The following PTP4A1 variants were observed in gnomAD, a reference collection of about 807,000 sequenced individuals.
PTP4A1 encodes protein tyrosine phosphatase 4A1, also known as protein tyrosine phosphatase type IVA 1.
Under a neutral mutation model 20.5 loss-of-function variants are expected in PTP4A1, and 9 were observed. The observed-to-expected ratio is 0.44, with a 90% CI of 0.26 to 0.77. The LOEUF is 0.77. Among genes scored for constraint, PTP4A1 ranks in the 30% least tolerant of loss-of-function variants. PTP4A1 has a pLI of 0.19. For synonymous variants in PTP4A1, 78 were observed against 67.4 expected (o/e 1.16, Z -0.77); for missense variants, 137 against 218.8 (o/e 0.63, Z 2.36).
At chr6:63,549,467 C>A in intron 2 of PTP4A1, 1 of 795,078 alleles carries the variant, frequency 1.3e-6, no homozygotes, top group Non-Finnish European at 2.2e-6. Context: ...ACAGCAGGGC[C>A]GGAGCCACCT....
intron 3 of PTP4A1, among the ~76,000 whole-genome samples, chr6:63,554,114 C>G (rs542880889): frequency 3.5e-4 from 53 of 152,220 alleles, no homozygotes; most frequent in African/African-American, 1.2e-3. Context: ...CACAAATATT[C>G]AAAGTAACAG....
At chr6:63,565,721 G>A (rs1777164583) in intron 3 of PTP4A1, among the ~76,000 whole-genome samples, 1 of 152,148 alleles carries the variant, frequency 6.6e-6, no homozygotes, top group South Asian at 2.1e-4. Flanking sequence ...AAGCTTATTT[G>A]CTCATTGGAA....
At chr6:63,521,580 C>T (rs926558145), upstream of PTP4A1, among the ~76,000 whole-genome samples, 1 of 152,206 alleles carries the variant, frequency 6.6e-6, no homozygotes, top group Admixed American at 6.5e-5. Context: ...CAAAATTATG[C>T]ATTTCCTAAA....
upstream of PTP4A1, among the ~76,000 whole-genome samples, chr6:63,568,765 G>T (rs542478546): frequency 6.6e-6 from 1 of 151,794 alleles, no homozygotes; most frequent in Non-Finnish European, 1.5e-5. Context: ...TATAAAATAG[G>T]CTGTTCTAAA....
intron 2 of PTP4A1, among the ~76,000 whole-genome samples, chr6:63,528,446 C>A (rs1457422155): frequency 6.6e-6 from 1 of 150,568 alleles, no homozygotes; most frequent in East Asian, 1.9e-4. Flanking sequence ...TTTTTAAGGC[C>A]GGGTACAGTG....
At chr6:63,568,386 T>A (rs1042142095), upstream of PTP4A1, among the ~76,000 whole-genome samples, 2 of 152,208 alleles carry the variant, frequency 1.3e-5, no homozygotes, top group African/African-American at 4.8e-5. Context: ...GACTGGCCCA[T>A]CAGCGGAGCA....
chr6:63,560,652 C>T (rs1278113942), intron 3 of PTP4A1, among the ~76,000 whole-genome samples: 1 of 152,092 alleles, frequency 6.6e-6, no homozygotes, highest in Non-Finnish European at 1.5e-5. Flanking sequence ...GATCTGCCCA[C>T]CTCAGCCTCC....
chr6:63,547,347 G>A (rs1168255907), intron 2 of PTP4A1, among the ~76,000 whole-genome samples: 1 of 151,332 alleles, frequency 6.6e-6, no homozygotes. Flanking sequence ...GTGCCACCAT[G>A]CCTAGCTAAT....
chr6:63,539,020 A>T (rs935902223), intron 2 of PTP4A1, among the ~76,000 whole-genome samples: 1 of 152,010 alleles, frequency 6.6e-6, no homozygotes, highest in East Asian at 1.9e-4. Context: ...AGCTTCCCAC[A>T]TAGCTGGGAT....
chr6:63,571,155 T>G (rs1777406115), upstream of PTP4A1: 2 of 152,158 alleles, frequency 1.3e-5, no homozygotes. Flanking sequence ...TGGCCCAGGA[T>G]TTTGTTTGTT....
At chr6:63,534,917 G>T (rs1775654406) in intron 2 of PTP4A1, among the ~76,000 whole-genome samples, 1 of 151,078 alleles carries the variant, frequency 6.6e-6, no homozygotes, top group Non-Finnish European at 1.5e-5. Flanking sequence ...AAAACTAGCT[G>T]GGTGTGGTGG....
At chr6:63,577,723 AT>A (rs1482038038) in intron 2 of PTP4A1, among the ~76,000 whole-genome samples, 1 of 151,928 alleles carries the variant, frequency 6.6e-6, no homozygotes, top group Non-Finnish European at 1.5e-5. Context: ...TGCCCAGCTA[AT>A]TTTTGTATTT....
intron 2 of PTP4A1, among the ~76,000 whole-genome samples, chr6:63,530,889 A>G (rs562530272): frequency 2.0e-5 from 3 of 152,316 alleles, no homozygotes; most frequent in East Asian, 1.9e-4. Flanking sequence ...GCTATAAACT[A>G]TCAGAGATGT....
At chr6:63,565,927 T>C (rs923457058) in intron 3 of PTP4A1, among the ~76,000 whole-genome samples, 6 of 152,228 alleles carry the variant, frequency 3.9e-5, no homozygotes, top group Non-Finnish European at 2.9e-5. Flanking sequence ...TATATGTTCA[T>C]AGAGATTTAA....
At chr6:63,518,854 G>A (rs1213837384), upstream of PTP4A1, among the ~76,000 whole-genome samples, 1 of 152,074 alleles carries the variant, frequency 6.6e-6, no homozygotes, top group Non-Finnish European at 1.5e-5. Context: ...CAAAGAAAAG[G>A]TAACTCTTGA....
intron 2 of PTP4A1, among the ~76,000 whole-genome samples, chr6:63,549,898 T>C (rs1776360824): frequency 6.6e-6 from 1 of 152,158 alleles, no homozygotes; most frequent in South Asian, 2.1e-4. Flanking sequence ...TTCTGTAGCA[T>C]TGTAAGATGC....
chr6:63,552,851 G>A (rs1257156451), intron 3 of PTP4A1, among the ~76,000 whole-genome samples: 1 of 152,190 alleles, frequency 6.6e-6, no homozygotes, highest in Non-Finnish European at 1.5e-5. Flanking sequence ...TTGTAGATGT[G>A]TGGTATTATT....
At chr6:63,567,820 C>A (rs565122425), upstream of PTP4A1, among the ~76,000 whole-genome samples, 195 of 152,344 alleles carry the variant, frequency 1.3e-3, no homozygotes, top group South Asian at 3.9e-3. Context: ...CCACCTTCAT[C>A]AATGTTCTTG....
Position 63,579,266 on chromosome 6 carries a change from A to G in PTP4A1, c.339A>G (p.Val113=). ...HCVAGLGRAP[V]LVALALIEGG... is the part of the protein sequence containing the mutation. ...ATTCTTACCTCACCAGAGCTCCAGT[A>G]CTTGTTGCCCTAGCATTAATTGAAG... The change falls in exon 5 of 6, where the codon GTA becomes GTG. Residue 113 remains valine, a synonymous_variant. Transcript: ENST00000626021. 3.7e-6 allele frequency: 6 copies of G among 1,610,496 alleles called. No individual in the cohort carries two copies. The highest frequency in any genetic ancestry group is 4.2e-6 in the Non-Finnish European group (5 of 1,178,176).
Sources: allele counts gnomAD v4.1 joint callset (sites outside exome capture counted in the v4.1 genomes callset), GRCh38; gene constraint gnomAD v4.1.1; transcripts MANE v1.5; gene names NCBI Gene and HGNC (gene_info 2026-07-23, HGNC 2026-07-21).